Variants in ANO8 observed in about 807,000 individuals in gnomAD.
ANO8 encodes the protein anoctamin-8.
ANO8 carries 67 observed loss-of-function variants against 120.4 expected under a neutral mutation model. The ratio of observed to expected loss-of-function variants is 0.56; its 90% CI spans 0.46 to 0.68. The LOEUF (loss-of-function observed/expected upper bound fraction) is 0.68, where lower values mean the gene tolerates loss of function less well. Ranked by LOEUF, ANO8 falls within the 30% of genes least tolerant of loss-of-function variation. ANO8 has a pLI of 0.00. For missense variants in ANO8, 1,526 were observed against 1,737.6 expected (o/e 0.88, Z 2.16); for synonymous variants, 727 against 759.2 (o/e 0.96, Z 0.70).
chr19:17,328,905 G>T lies in ANO8; in HGVS notation c.1483C>A (p.Leu495Met). 6.6e-7 allele frequency: 1 copy of T among 1,505,838 alleles called. No homozygotes were observed. The allele number at this position is 1,505,838 out of a possible 1,614,324, so 93.3% of individuals were successfully genotyped here. ...EVLQPHLYRRLGRGELGLRAV... is the reference protein window; with the variant it reads ...EVLQPHLYRRMGRGELGLRAV... ...CGCAGGCCCAGCTCGCCGCGGCCCA[G>T]GCGCCGGTACAGGTGCGGCTGCAGG... is the stretch of plus-strand genomic sequence containing the variant. The change falls in exon 13 of 18, where the codon CTG becomes ATG. Residue 495 changes from leucine to methionine, a missense_variant. Transcript: ENST00000159087.
At chr19:17,324,454 G>A (rs533685250) in intron 17 of ANO8, among the ~76,000 whole-genome samples, 60 of 152,178 alleles carry the variant, frequency 3.9e-4, no homozygotes, top group Middle Eastern at 3.4e-3. Flanking sequence ...GCATGGTGGG[G>A]GTCCCTGGGT....
rs200498699 is a variant in ANO8, at chr19:17,329,942, C to T, written c.1329+17G>A. ...CTTCCCCGTTGTCCCCCTGCCTGTC[C>T]GATGGTGGTGACTCACCAGGACAAC... On this transcript the variant is annotated intron_variant, in intron 11 of 17. Coordinates refer to ENST00000159087, the MANE Select transcript of ANO8 (RefSeq NM_020959.3). The T allele has an allele frequency of 1.2e-6, 2 of 1,614,020 alleles. No individual in the cohort carries two copies. Among genetic ancestry groups the T allele is most frequent in the South Asian group, 2.2e-5 (2 of 91,082 alleles).
In ANO8 at chr19:17,328,776, TGCCGCCGCCCCCGCC is replaced by T. The variant is rs2074295131; in HGVS notation, c.1597_1611del (p.Gly533_Gly537del). On this transcript the variant is annotated inframe_deletion, in exon 13 of 18. Coordinates refer to ENST00000159087, the MANE Select transcript of ANO8 (RefSeq NM_020959.3). ...AGGCACCTGCGGCCCCCGCCCCCGC[TGCCGCCGCCCCCGCC>T]CTCATCCGCCTGGGGTTCGAGGCGG... 7.6e-7 allele frequency: 1 copy of T among 1,317,152 alleles called. No homozygotes were observed. Among genetic ancestry groups the T allele is most frequent in the Non-Finnish European group, 9.6e-7 (1 of 1,041,196 alleles). The allele number at this position is 1,317,152 out of a possible 1,614,324, so 81.6% of individuals were successfully genotyped here. A position where few individuals can be genotyped will look rare whatever the true frequency, so the allele number is the denominator to read the frequency against.
chr19:17,325,541 C>T (rs545901003), intron 16 of ANO8, among the ~76,000 whole-genome samples, 155 bp from the exon 17 acceptor site: 71 of 152,220 alleles, frequency 4.7e-4, no homozygotes, highest in Non-Finnish European at 9.0e-4. Context: ...ATGGGGGCTC[C>T]CTGCAGAAGT....
rs2074351079 is a variant in ANO8, at chr19:17,334,776, G to GCCGCGCCCGC, written c.-116_-107dup. 4 of 1,173,292 alleles carry GCCGCGCCCGC rather than the reference G, an allele frequency of 3.4e-6. No homozygotes were observed. Among genetic ancestry groups the GCCGCGCCCGC allele is most frequent in the African/African-American group, 3.3e-5 (2 of 61,430 alleles). The allele number at this position is 1,173,292 out of a possible 1,614,324, so 72.7% of individuals were successfully genotyped here. On this transcript the variant is annotated 5_prime_UTR_variant, in exon 1 of 18. Transcript: ENST00000159087. ...GAGCGCGCGGGAGGAGGAGACAAAG[G>GCCGCGCCCGC]CCGCGCCCGCCCGCGCCGGCCTCGG...
In ANO8 at chr19:17,328,311, C is replaced by T. The variant is rs758368013; in HGVS notation, c.2077G>A (p.Gly693Arg). 26 of 1,598,720 alleles carry T rather than the reference C, an allele frequency of 1.6e-5. No homozygotes were observed. The highest frequency in any genetic ancestry group is 1.3e-5 in the African/African-American group (1 of 74,756). The change falls in exon 13 of 18, where the codon GGG becomes AGG. Residue 693 changes from glycine to arginine, a missense_variant. Gly to Arg is a moderately radical substitution (Grantham distance 125). Coordinates refer to ENST00000159087, the MANE Select transcript of ANO8 (RefSeq NM_020959.3). ...GGEGRDQGPD[G>R]GPDPEPGSNS... ...GAGCCGGGTTCCGGGTCCGGGCCCC[C>T]GTCGGGCCCCTGGTCTCGGCCCTCG...
Position 17,327,320 on chromosome 19 carries a change from A to T in ANO8, c.2576T>A (p.Leu859His). Reference protein sequence around the residue: ...LEHFALLLKYLIHVAIPDIPG... With the variant: ...LEHFALLLKYHIHVAIPDIPG... Reference sequence around the variant, plus strand: ...GATATCGGGGATGGCCACGTGGATGAGGTACTTGAGGAGCAGAGCGAAGTG... The same window carrying T: ...GATATCGGGGATGGCCACGTGGATGTGGTACTTGAGGAGCAGAGCGAAGTG... The change falls in exon 16 of 18, where the codon CTC (leucine) becomes CAC (histidine). Residue 859 changes from leucine (L) to histidine (H), a missense_variant. By Grantham distance (99) the Leu-to-His change is moderately conservative. Around this residue, in one of 8 missense-constraint regions of ANO8, gnomAD observed 489 missense variants for 548.6 expected, o/e 0.89. Transcript: ENST00000159087. 1.3e-6 allele frequency: 2 copies of T among 1,550,196 alleles called. No homozygotes were observed. The highest frequency in any genetic ancestry group is 8.7e-7 in the Non-Finnish European group (1 of 1,146,786).
Position 17,327,350 on chromosome 19 carries a change from A to G in ANO8, c.2551-5T>C. 1.3e-6 allele frequency: 2 copies of G among 1,549,738 alleles called. No homozygotes were observed. The highest frequency in any genetic ancestry group is 1.7e-6 in the Non-Finnish European group (2 of 1,145,678). ...CTTGAGGAGCAGAGCGAAGTGCTGC[A>G]GGGGTGGCAGAGAGGAGGCTGCAGG... On this transcript the variant is annotated splice_polypyrimidine_tract_variant and splice_region_variant and intron_variant, in intron 15 of 17. Coordinates refer to ENST00000159087, the MANE Select transcript of ANO8 (RefSeq NM_020959.3).
chr19:17,330,678 C>T, intron 8 of ANO8, 150 bp downstream of exon 8: 2 of 1,405,784 alleles, frequency 1.4e-6, no homozygotes, highest in South Asian at 2.8e-5. Flanking sequence ...CACCTCTCCC[C>T]CTGGGGAGCA....
rs777378185 is a variant in ANO8, at chr19:17,328,585, CTCCTCCTCGTCCTCCTCT to C, written c.1785_1802del (p.Glu596_Glu601del). On this transcript the variant is annotated inframe_deletion, in exon 13 of 18. Transcript: ENST00000159087. ...AGTCCAGGAGGCCCCCTTCCTCGCC[CTCCTCCTCGTCCTCCTCT>C]TCCTCCTCGTCCTCCTCCTCCTCGT... 198 of 1,546,588 alleles carry C rather than the reference CTCCTCCTCGTCCTCCTCT, an allele frequency of 1.3e-4. No individual in the cohort carries two copies. Among genetic ancestry groups the C allele is most frequent in the Middle Eastern group, 2.2e-4 (1 of 4,626 alleles).
In ANO8 at chr19:17,331,252, C is replaced by G. The variant is rs948397791; in HGVS notation, c.704-37G>C. 4 of 1,614,090 alleles carry G rather than the reference C, an allele frequency of 2.5e-6. No individual in the cohort carries two copies. The African/African-American group carries it at 5.3e-5, about 22-fold the overall frequency. Reference sequence around the variant, plus strand: ...CAAGTGGGTCTCAGTCACCCCCTGCCTGTCTGCTGGGACTCCCTCCCACCC... The same window carrying G: ...CAAGTGGGTCTCAGTCACCCCCTGCGTGTCTGCTGGGACTCCCTCCCACCC... On this transcript the variant is annotated intron_variant, in intron 6 of 17. Coordinates refer to ENST00000159087, the MANE Select transcript of ANO8 (RefSeq NM_020959.3).
At position 17,330,875 on chromosome 19, in the gene ANO8, G is replaced by T; in HGVS notation, c.946C>A (p.Leu316Met). The part of the protein sequence containing the change: ...GAELAYKWGT[L>M]DSPGEAVEEP... ...TCCACGGCTTCCCCAGGTGAGTCCAGCGTCCCCCACTTATATGCCAGCTCA... is the reference window on the plus strand; with the variant it reads ...TCCACGGCTTCCCCAGGTGAGTCCATCGTCCCCCACTTATATGCCAGCTCA... Residue 316 changes from leucine to methionine, a missense_variant, in exon 8 of 18, where the codon CTG becomes ATG. By Grantham distance (15) the Leu-to-Met change is conservative. Around this residue, in one of 8 missense-constraint regions of ANO8, gnomAD observed 322 missense variants for 431.8 expected, o/e 0.75. Coordinates refer to ENST00000159087, the MANE Select transcript of ANO8 (RefSeq NM_020959.3). 1.2e-6 allele frequency: 2 copies of T among 1,614,144 alleles called. No homozygotes were observed. The highest frequency in any genetic ancestry group is 1.7e-6 in the Non-Finnish European group (2 of 1,180,022).
chr19:17,333,709 GTCGCAGTTCTCTGTAGGCACCGTCT>G lies in ANO8; in HGVS notation c.173_197del (p.Lys58ThrfsTer3). ...GGGTACCTGGGAAGGTCATCAGCAC[GTCGCAGTTCTCTGTAGGCACCGTCT>G]TCATCCACGCCTTGTGGGACACCAG... is the stretch of plus-strand genomic sequence containing the variant. On this transcript the variant is annotated frameshift_variant, in exon 2 of 18. Transcript: ENST00000159087. LOFTEE classifies it high-confidence loss of function. This position sits in a 1 kb window ranked among gnomAD's most constrained non-coding sequence, Gnocchi z 7.2. 6.2e-7 allele frequency: 1 copy of G among 1,603,968 alleles called. No individual in the cohort carries two copies.
Position 17,329,165 on chromosome 19 carries a change from A to T in ANO8, c.1405-182T>A, listed in dbSNP as rs905506984. The T allele has an allele frequency of 9.8e-6, 5 of 507,810 alleles. No individual in the cohort carries two copies. The South Asian group carries it at 1.4e-4, about 14-fold the overall frequency. 31.5% of individuals were successfully genotyped at this position (507,810 alleles called of 1,614,324 possible). ...GAGGCCCCCAGCGCTCAGCCACAAA[A>T]TACAGCCTGGCACGCGCAGCGCTCC... On this transcript the variant is annotated intron_variant, in intron 12 of 17. Transcript: ENST00000159087.
intron 8 of ANO8, 85 bp from the exon 9 acceptor site, chr19:17,330,589 A>G (rs1226049536): frequency 4.9e-6 from 7 of 1,441,740 alleles, no homozygotes; most frequent in Non-Finnish European, 5.5e-6. Flanking sequence ...TCAGAACTCA[A>G]TTTCCCTCCA....
chr19:17,331,009 G>T lies in ANO8; in HGVS notation c.832-20C>A. On this transcript the variant is annotated intron_variant, in intron 7 of 17. Coordinates refer to ENST00000159087, the MANE Select transcript of ANO8 (RefSeq NM_020959.3). Reference sequence around the variant, plus strand: ...GCTTGTCTGTGAGTGGCAGAGAAGAGTTGAGTCATTGTTTGTGCCAGTCCA... The same window carrying T: ...GCTTGTCTGTGAGTGGCAGAGAAGATTTGAGTCATTGTTTGTGCCAGTCCA... 6.2e-7 allele frequency: 1 copy of T among 1,614,112 alleles called. No homozygotes were observed. The highest frequency in any genetic ancestry group is 1.1e-5 in the South Asian group (1 of 91,090).
In ANO8 at chr19:17,333,910, T is replaced by G; in HGVS notation, c.107-110A>C. The stretch of plus-strand genomic sequence containing the variant: ...GGGCTCCTCACCACTCCACCTGGCA[T>G]TCAAGGCCCCGGGAGCTCTGGGCTT... On this transcript the variant is annotated intron_variant, in intron 1 of 17. Coordinates refer to ENST00000159087, the MANE Select transcript of ANO8 (RefSeq NM_020959.3). The surrounding 1 kb of genome is among the most constrained non-coding windows in gnomAD (Gnocchi z 7.2). The G allele has an allele frequency of 1.1e-6, 1 of 877,936 alleles. No homozygotes were observed. The highest frequency in any genetic ancestry group is 1.8e-6 in the Non-Finnish European group (1 of 550,446). The allele number at this position is 877,936 out of a possible 1,614,324, so 54.4% of individuals were successfully genotyped here.
At chr19:17,326,352 A>T (rs951346673) in intron 16 of ANO8, among the ~76,000 whole-genome samples, 12 of 152,090 alleles carry the variant, frequency 7.9e-5, no homozygotes, top group Admixed American at 6.6e-4. Context: ...AAATAGAAAA[A>T]TTAGCCAGGC....
chr19:17,326,018 G>A (rs2074271679), intron 16 of ANO8, among the ~76,000 whole-genome samples: 2 of 152,194 alleles, frequency 1.3e-5, no homozygotes, highest in African/African-American at 4.8e-5. Context: ...AGATTCCGAG[G>A]CTTATTGGGT....
Sources: allele counts gnomAD v4.1 joint callset (sites outside exome capture counted in the v4.1 genomes callset), GRCh38; gene constraint gnomAD v4.1.1; regional missense constraint gnomAD v4.1.1; non-coding constraint Gnocchi (gnomAD v3.1); transcripts MANE v1.5; gene names NCBI Gene and HGNC (gene_info 2026-07-23, HGNC 2026-07-21).